CNTN5: variants seen among roughly 807,000 people sequenced by gnomAD.
CNTN5 encodes contactin-5.
Under a neutral mutation model 129.1 loss-of-function variants are expected in CNTN5, and 77 were observed. The ratio of observed to expected loss-of-function variants is 0.60; its 90% CI spans 0.50 to 0.72. CNTN5 has a LOEUF of 0.72. Among genes scored for constraint, CNTN5 ranks in the 30% least tolerant of loss-of-function variants. The pLI is 0.00. For missense variants in CNTN5, 1,478 were observed against 1,328.8 expected (o/e 1.11, Z -1.75); for synonymous variants, 509 against 465.6 (o/e 1.09, Z -1.20).
At chr11:100,289,672 T>C (rs1438198182) in intron 18 of CNTN5, among the ~76,000 whole-genome samples, 3 of 151,456 alleles carry the variant, frequency 2.0e-5, no homozygotes, top group Admixed American at 1.3e-4. Flanking sequence ...GGGCAAAAAC[T>C]GGAAGCATTC....
chr11:99,346,522 G>A lies in CNTN5; in HGVS notation c.-71+21038G>A, dbSNP rs1237602370. 4.6e-5 allele frequency among the ~76,000 whole-genome samples: 7 copies of A among 152,180 alleles called. No individual in the cohort carries two copies. In the East Asian group the frequency reaches 1.4e-3, roughly 29 times the overall value. On this transcript the variant is annotated intron_variant, in intron 2 of 24. Coordinates refer to ENST00000524871, the MANE Select transcript of CNTN5 (RefSeq NM_014361.4). ...GGTCTCCACTACTGTGGTGGAGGAG[G>A]TGTCAGCTCTCCCACAAGGTGTACC...
chr11:99,365,042 G>A (rs1939359746), intron 2 of CNTN5, among the ~76,000 whole-genome samples: 2 of 152,080 alleles, frequency 1.3e-5, no homozygotes, highest in Non-Finnish European at 2.9e-5. Context: ...ACCTAATTAA[G>A]GATCTAAATT....
intron 1 of CNTN5, among the ~76,000 whole-genome samples, chr11:99,048,233 A>G (rs565895277): frequency 1.2e-4 from 19 of 152,246 alleles, no homozygotes; most frequent in African/African-American, 4.3e-4. Flanking sequence ...GACCCAAAAT[A>G]CTAACTCAAT....
chr11:99,787,353 T>G (rs2135417737), intron 3 of CNTN5, among the ~76,000 whole-genome samples: 1 of 151,854 alleles, frequency 6.6e-6, no homozygotes, highest in Non-Finnish European at 1.5e-5. Flanking sequence ...GTTCAACTCT[T>G]AACATAAATG....
intron 9 of CNTN5, among the ~76,000 whole-genome samples, chr11:100,059,595 T>C (rs1319620727): frequency 6.6e-6 from 1 of 152,056 alleles, no homozygotes; most frequent in East Asian, 1.9e-4. Context: ...CATGAAAAGA[T>C]GTTCAACCTC....
chr11:99,259,389 AT>A (rs922359710), intron 1 of CNTN5, among the ~76,000 whole-genome samples: 7 of 151,728 alleles, frequency 4.6e-5, no homozygotes, highest in Non-Finnish European at 7.4e-5. Context: ...TAATGTCACC[AT>A]TTTTTTGCTT....
chr11:99,624,870 T>A (rs1383897026), intron 3 of CNTN5, among the ~76,000 whole-genome samples: 1 of 152,162 alleles, frequency 6.6e-6, no homozygotes, highest in Non-Finnish European at 1.5e-5. Flanking sequence ...GGAGATGGTT[T>A]AGGAACCCAT....
chr11:99,425,357 C>T (rs1943073031), intron 2 of CNTN5, among the ~76,000 whole-genome samples: 1 of 152,210 alleles, frequency 6.6e-6, no homozygotes, highest in African/African-American at 2.4e-5. Context: ...CGCTTTCCTT[C>T]CAGGAACCTG....
chr11:99,710,525 A>G (rs989179014), intron 3 of CNTN5, among the ~76,000 whole-genome samples: 2 of 151,200 alleles, frequency 1.3e-5, no homozygotes, highest in Admixed American at 6.6e-5. Flanking sequence ...CATGGCCCCT[A>G]CTGCAGAGTT....
chr11:100,212,082 T>C (rs935039165), intron 15 of CNTN5, among the ~76,000 whole-genome samples: 4 of 152,194 alleles, frequency 2.6e-5, no homozygotes, highest in African/African-American at 9.6e-5. Context: ...TTCTGTATTT[T>C]ACTCTGTCCT....
At chr11:99,988,671 G>A (rs1938850337) in intron 8 of CNTN5, among the ~76,000 whole-genome samples, 1 of 152,142 alleles carries the variant, frequency 6.6e-6, no homozygotes, top group Admixed American at 6.5e-5. Flanking sequence ...AGACAGGAAG[G>A]GACCGAGTCC....
At chr11:100,045,379 T>A (rs565425362) in intron 9 of CNTN5, among the ~76,000 whole-genome samples, 11 of 152,162 alleles carry the variant, frequency 7.2e-5, no homozygotes, top group African/African-American at 2.6e-4. Context: ...TAATTACGCA[T>A]TGTGGGCTCC....
At chr11:99,034,715 A>C (rs1306099807) in intron 1 of CNTN5, among the ~76,000 whole-genome samples, 1 of 152,126 alleles carries the variant, frequency 6.6e-6, no homozygotes, top group African/African-American at 2.4e-5. Flanking sequence ...CCTTTCAAAA[A>C]ACCAGCTCCT....
At chr11:99,234,671 G>A (rs111680910) in intron 1 of CNTN5, among the ~76,000 whole-genome samples, 128 of 151,858 alleles carry the variant, frequency 8.4e-4, no homozygotes, top group African/African-American at 2.9e-3. Context: ...ATCAGTTTGA[G>A]TCATTATTTA....
intron 4 of CNTN5, among the ~76,000 whole-genome samples, chr11:99,841,512 A>G (rs1453421492): frequency 6.6e-6 from 1 of 151,832 alleles, no homozygotes; most frequent in Non-Finnish European, 1.5e-5. Context: ...AGATAATTAG[A>G]TAATATATAT....
chr11:99,410,582 G>A (rs1051447567), intron 2 of CNTN5, among the ~76,000 whole-genome samples: 3 of 152,072 alleles, frequency 2.0e-5, no homozygotes, highest in African/African-American at 7.2e-5. Context: ...AAGAGAGAGA[G>A]AGAGAAATAG....
chr11:100,043,337 C>G (rs183639260), intron 9 of CNTN5, among the ~76,000 whole-genome samples: 21 of 152,230 alleles, frequency 1.4e-4, no homozygotes, highest in Admixed American at 1.4e-3. Context: ...TTAACAATAG[C>G]TTATGTTTGG....
chr11:100,288,991 A>G (rs1266743644), intron 18 of CNTN5, among the ~76,000 whole-genome samples: 3 of 152,244 alleles, frequency 2.0e-5, no homozygotes, highest in Non-Finnish European at 4.4e-5. Flanking sequence ...CTCTACGCAA[A>G]TAAACTAGAA....
intron 3 of CNTN5, among the ~76,000 whole-genome samples, chr11:99,685,585 C>A (rs1464423175): frequency 1.3e-5 from 2 of 150,522 alleles, no homozygotes; most frequent in Admixed American, 6.6e-5. Context: ...TAACAGTTGT[C>A]TAATAAAAGG....
Sources: allele counts gnomAD v4.1 joint callset (sites outside exome capture counted in the v4.1 genomes callset), GRCh38; gene constraint gnomAD v4.1.1; transcripts MANE v1.5; gene names NCBI Gene and HGNC (gene_info 2026-07-23, HGNC 2026-07-21).